Variants in ABCD3 observed in about 807,000 individuals in gnomAD.
ABCD3 encodes the protein ATP binding cassette subfamily D member 3.
In ABCD3, 41 loss-of-function variants were observed where a neutral mutation model predicts 105.5. The ratio of observed to expected loss-of-function variants is 0.39; its 90% CI spans 0.30 to 0.50. The LOEUF (loss-of-function observed/expected upper bound fraction) is 0.50, where lower values mean the gene tolerates loss of function less well. ABCD3 is among the 20% of genes least tolerant of loss of function. The probability of loss-of-function intolerance (pLI) is 0.84; values close to 1 mark genes in which losing one functional copy is unlikely to be tolerated. For synonymous variants in ABCD3, 258 were observed against 269.0 expected, an observed-to-expected ratio of 0.96 and a Z score of 0.40; for missense variants, 622 against 806.3, an observed-to-expected ratio of 0.77 and a Z score of 2.77.
At chr1:94,477,989 T>C (rs1054152925) in intron 7 of ABCD3, among the ~76,000 whole-genome samples, 1 of 152,216 alleles carries the variant, frequency 6.6e-6, no homozygotes, top group Non-Finnish European at 1.5e-5. Flanking sequence ...GGTATCTTAG[T>C]TGATGGAAAG....
At chr1:94,441,174 A>T (rs1007405557) in intron 1 of ABCD3, among the ~76,000 whole-genome samples, 1 of 152,222 alleles carries the variant, frequency 6.6e-6, no homozygotes, top group African/African-American at 2.4e-5. Context: ...ATAACAAAAG[A>T]CAAATGACAA....
chr1:94,517,237 AAAC>A lies in ABCD3; in HGVS notation c.*111_*113del, dbSNP rs1650960567. The A allele has an allele frequency of 5.9e-6, 5 of 849,672 alleles. No homozygotes were observed. The highest frequency in any genetic ancestry group is 2.0e-5 in the Admixed American group (1 of 49,216). 52.6% of individuals were successfully genotyped at this position (849,672 alleles called of 1,614,324 possible). A position where few individuals can be genotyped will look rare whatever the true frequency, so the allele number is the denominator to read the frequency against. On this transcript the variant is annotated 3_prime_UTR_variant, in exon 23 of 23. Transcript: ENST00000370214. ...TGAGCTTAGTTTTTTTTAAAAAAAA[AAAC>A]AAAGCAACAAATTAACTAGATACAG...
At chr1:94,433,487 T>C (rs1380939314) in intron 1 of ABCD3, among the ~76,000 whole-genome samples, 1 of 152,018 alleles carries the variant, frequency 6.6e-6, no homozygotes, top group East Asian at 1.9e-4. Flanking sequence ...GTGAACATCA[T>C]AGAGTGCACT....
chr1:94,489,990 A>G lies in ABCD3; in HGVS notation c.1322+15A>G, dbSNP rs1319247491. On this transcript the variant is annotated intron_variant, in intron 15 of 22. Coordinates refer to ENST00000370214, the MANE Select transcript of ABCD3 (RefSeq NM_002858.4). Reference sequence around the variant, plus strand: ...AACATTATAAAGTACGTACAGAAAAAGGTCTTTTAGCACCATAAATGTTTG... The same window carrying G: ...AACATTATAAAGTACGTACAGAAAAGGGTCTTTTAGCACCATAAATGTTTG... The G allele has an allele frequency of 6.2e-7, 1 of 1,605,998 alleles. No individual in the cohort carries two copies. The highest frequency in any genetic ancestry group is 1.1e-5 in the South Asian group (1 of 90,904).
At chr1:94,473,947 T>C (rs2100993637) in intron 5 of ABCD3, 112 bp downstream of exon 5, 1 of 786,604 alleles carries the variant, frequency 1.3e-6, no homozygotes, top group Non-Finnish European at 2.1e-6. Context: ...TAAGTTCCTA[T>C]TTTCAGTTTA....
intron 9 of ABCD3, among the ~76,000 whole-genome samples, chr1:94,481,198 A>G (rs1239990231): frequency 6.6e-6 from 1 of 152,210 alleles, no homozygotes; most frequent in Non-Finnish European, 1.5e-5. Context: ...ATTTGATAAT[A>G]CATATAAAGC....
intron 16 of ABCD3, among the ~76,000 whole-genome samples, chr1:94,497,696 G>A (rs542200378): frequency 6.6e-6 from 1 of 152,298 alleles, no homozygotes; most frequent in Admixed American, 6.5e-5. Flanking sequence ...GGAATCTACA[G>A]AAACATTGCT....
chr1:94,467,165 A>G (rs779474422), intron 3 of ABCD3, among the ~76,000 whole-genome samples: 6 of 152,062 alleles, frequency 3.9e-5, no homozygotes, highest in Non-Finnish European at 7.4e-5. Context: ...ATGTGTGTAA[A>G]CTCAGTACAG....
chr1:94,475,193 G>C lies in ABCD3; in HGVS notation c.456G>C (p.Leu152=), dbSNP rs970322216. 2 of 1,605,928 alleles carry C rather than the reference G, an allele frequency of 1.2e-6. No individual in the cohort carries two copies. The highest frequency in any genetic ancestry group is 1.7e-6 in the Non-Finnish European group (2 of 1,175,536). ...FLKYGLNELK[L]CFRVRLTKYL... The stretch of plus-strand genomic sequence containing the variant: ...AGTATGGGTTAAATGAGCTTAAACT[G>C]TGCTTCCGAGTAAGGCTCACTAAAT... The change falls in exon 6 of 23, where the codon CTG becomes CTC. Residue 152 remains leucine (L), a synonymous_variant. Transcript: ENST00000370214.
intron 4 of ABCD3, among the ~76,000 whole-genome samples, chr1:94,468,336 C>T (rs962028691): frequency 4.6e-5 from 7 of 152,218 alleles, no homozygotes; most frequent in East Asian, 3.9e-4. Flanking sequence ...AAAAAACCAC[C>T]AAGTTGGATT....
intron 8 of ABCD3, 175 bp from the exon 9 acceptor site, chr1:94,480,289 A>C (rs1648972958): frequency 1.0e-5 from 7 of 673,458 alleles, no homozygotes; most frequent in Non-Finnish European, 1.5e-5. Flanking sequence ...GAGTAGTAAA[A>C]GTGTAGAGGC....
At chr1:94,491,747 A>T (rs1323343616) in intron 16 of ABCD3, among the ~76,000 whole-genome samples, 1 of 152,126 alleles carries the variant, frequency 6.6e-6, no homozygotes, top group African/African-American at 2.4e-5. Context: ...ACTGATGTTG[A>T]TTCAATATAC....
intron 20 of ABCD3, among the ~76,000 whole-genome samples, 193 bp downstream of exon 20, chr1:94,499,807 C>T (rs1328279753): frequency 6.6e-6 from 1 of 152,066 alleles, no homozygotes; most frequent in Non-Finnish European, 1.5e-5. Context: ...TTCATAAATA[C>T]CCTGCCAGTA....
At position 94,473,758 on chromosome 1, in the gene ABCD3, G is replaced by A; in HGVS notation, c.336-8G>A. 1 of 1,610,758 alleles carries A rather than the reference G, an allele frequency of 6.2e-7. No homozygotes were observed. Among genetic ancestry groups the A allele is most frequent in the African/African-American group, 1.3e-5 (1 of 74,734 alleles). The stretch of plus-strand genomic sequence containing the variant: ...TGCAACTAATGCATTGCATGTGGTG[G>A]TTTGCAGTGGTATCATTGGTCGTAG... On this transcript the variant is annotated splice_polypyrimidine_tract_variant and splice_region_variant and intron_variant, in intron 4 of 22. Transcript: ENST00000370214.
intron 1 of ABCD3, among the ~76,000 whole-genome samples, chr1:94,422,743 A>T: frequency 6.6e-6 from 1 of 152,238 alleles, no homozygotes; most frequent in East Asian, 1.9e-4. Context: ...TACAAACATG[A>T]ATAGAAACAT....
intron 1 of ABCD3, among the ~76,000 whole-genome samples, chr1:94,446,123 A>G (rs1660336913): frequency 6.6e-6 from 1 of 152,202 alleles, no homozygotes. Context: ...TATGTCCAAA[A>G]TGTGAAAAAG....
chr1:94,396,613 G>GCA, the ABCD3 span, among the ~76,000 whole-genome samples: 2 of 151,526 alleles, frequency 1.3e-5, no homozygotes, highest in Admixed American at 1.3e-4. Context: ...GTGTGTGTGC[G>GCA]CGCGCGCACG....
Position 94,506,600 on chromosome 1 carries a change from T to C in ABCD3, c.1803T>C (p.Val601=). The change falls in exon 21 of 23, where the codon GTT becomes GTC. Residue 601 remains valine (V), a synonymous_variant. Coordinates refer to ENST00000370214, the MANE Select transcript of ABCD3 (RefSeq NM_002858.4). ...TTTTGGATGAATGCACAAGTGCAGT[T>C]AGTGTCGACGTGGAAGGCTACATTT... ...FAILDECTSA[V]SVDVEGYIYS... is the part of the protein sequence containing the mutation. The C allele has an allele frequency of 6.2e-7, 1 of 1,613,082 alleles. No homozygotes were observed. The highest frequency in any genetic ancestry group is 2.2e-5 in the East Asian group (1 of 44,816).
intron 1 of ABCD3, among the ~76,000 whole-genome samples, chr1:94,453,037 C>T (rs61772851): frequency 0.36 from 54,851 of 152,008 alleles, 11,452 homozygotes; most frequent in Middle Eastern, 0.55. Flanking sequence ...CCAAAGTGCT[C>T]GGCCTTCCAA....
Sources: allele counts gnomAD v4.1 joint callset (sites outside exome capture counted in the v4.1 genomes callset), GRCh38; gene constraint gnomAD v4.1.1; transcripts MANE v1.5; gene names NCBI Gene and HGNC (gene_info 2026-07-23, HGNC 2026-07-21).